Variants in PACRG observed in about 807,000 individuals in gnomAD.
The protein encoded by PACRG is parkin coregulated.
A neutral mutation model predicts 29.7 loss-of-function variants in PACRG; 29 were observed. That is an observed-to-expected ratio of 0.98 (90% CI 0.73 to 1.33). The LOEUF (loss-of-function observed/expected upper bound fraction) is 1.33. Among genes scored for constraint, PACRG ranks in the 40% most tolerant of loss-of-function variants. PACRG has a pLI of 0.00. For synonymous variants in PACRG, 116 were observed against 118.7 expected, an observed-to-expected ratio of 0.98 and a Z score of 0.15; for missense variants, 279 against 316.2, an observed-to-expected ratio of 0.88 and a Z score of 0.89.
intron 2 of PACRG, among the ~76,000 whole-genome samples, chr6:162,841,841 A>C (rs1046430665): frequency 6.6e-6 from 1 of 151,690 alleles, no homozygotes; most frequent in African/African-American, 2.4e-5. Context: ...TTCTGCCTTC[A>C]TTTCGTTATG....
intron 2 of PACRG, among the ~76,000 whole-genome samples, chr6:162,977,851 AAG>A (rs1398483149): frequency 6.6e-6 from 1 of 152,158 alleles, no homozygotes; most frequent in Non-Finnish European, 1.5e-5. Context: ...CATATGTATA[AAG>A]ATGTTTATGG....
At chr6:162,812,754 A>T (rs1254486112) in intron 1 of PACRG, among the ~76,000 whole-genome samples, 1 of 152,148 alleles carries the variant, frequency 6.6e-6, no homozygotes, top group Non-Finnish European at 1.5e-5. Flanking sequence ...TGAACAAAAT[A>T]GTTGTTAAAT....
At chr6:163,064,337 C>G (rs1219049472) in intron 3 of PACRG, among the ~76,000 whole-genome samples, 2 of 152,144 alleles carry the variant, frequency 1.3e-5, no homozygotes, top group African/African-American at 4.8e-5. Context: ...ACTAAATTTA[C>G]AGTACACACA....
At chr6:163,183,261 TG>T (rs140336196) in intron 4 of PACRG, 1 of 152,128 alleles carries the variant, frequency 6.6e-6, no homozygotes, top group African/African-American at 2.4e-5. Context: ...TCGAAGGGCA[TG>T]GAAGGGCATG....
chr6:163,254,280 C>T (rs982792015), intron 4 of PACRG, among the ~76,000 whole-genome samples: 4 of 152,048 alleles, frequency 2.6e-5, no homozygotes, highest in South Asian at 2.1e-4. Flanking sequence ...CATGAATGAC[C>T]AAAAATATGC....
intron 4 of PACRG, among the ~76,000 whole-genome samples, chr6:163,198,234 T>C (rs1360406704): frequency 6.6e-6 from 1 of 152,252 alleles, no homozygotes; most frequent in East Asian, 1.9e-4. Flanking sequence ...ATCAACTGTT[T>C]TGATTATGAG....
chr6:162,949,754 T>A (rs1284209936), intron 2 of PACRG, among the ~76,000 whole-genome samples: 1 of 152,190 alleles, frequency 6.6e-6, no homozygotes, highest in Non-Finnish European at 1.5e-5. Flanking sequence ...GATTTAAGTT[T>A]TGTGAGGGTT....
chr6:163,225,459 G>A (rs1468000239), intron 4 of PACRG, among the ~76,000 whole-genome samples: 1 of 152,182 alleles, frequency 6.6e-6, no homozygotes, highest in African/African-American at 2.4e-5. Flanking sequence ...ATGACTGTAA[G>A]TTTCCTGAGG....
intron 2 of PACRG, among the ~76,000 whole-genome samples, chr6:162,870,953 A>C (rs1335829506): frequency 6.6e-6 from 1 of 152,204 alleles, no homozygotes; most frequent in Non-Finnish European, 1.5e-5. Context: ...TCAATGCTGG[A>C]ATATGACTGT....
intron 2 of PACRG, among the ~76,000 whole-genome samples, chr6:163,026,614 A>G (rs1176394892): frequency 2.0e-5 from 3 of 152,206 alleles, no homozygotes; most frequent in Non-Finnish European, 4.4e-5. Context: ...GTCACCTCCC[A>G]GGTTCCCCCA....
intron 4 of PACRG, among the ~76,000 whole-genome samples, chr6:163,244,013 T>C (rs1249721489): frequency 6.6e-6 from 1 of 152,254 alleles, no homozygotes; most frequent in Non-Finnish European, 1.5e-5. Flanking sequence ...CTTACATTTG[T>C]AGTCTTTAAT....
chr6:162,849,075 C>T (rs1790646855), intron 2 of PACRG, among the ~76,000 whole-genome samples: 1 of 152,098 alleles, frequency 6.6e-6, no homozygotes, highest in Admixed American at 6.5e-5. Flanking sequence ...GCAGAGGAAG[C>T]AGGGTTTCAG....
At chr6:162,877,632 A>C (rs556517889) in intron 2 of PACRG, among the ~76,000 whole-genome samples, 34 of 152,244 alleles carry the variant, frequency 2.2e-4, no homozygotes, top group Admixed American at 9.8e-4. Flanking sequence ...AAATAAAAAA[A>C]TGTTTAAGAA....
chr6:163,164,516 G>A (rs918352613), intron 4 of PACRG, among the ~76,000 whole-genome samples: 6 of 152,208 alleles, frequency 3.9e-5, no homozygotes, highest in Non-Finnish European at 7.3e-5. Context: ...AAGGGACCTC[G>A]GGCTCTTCCC....
chr6:163,193,016 C>T (rs1780284448), intron 4 of PACRG, among the ~76,000 whole-genome samples: 1 of 152,136 alleles, frequency 6.6e-6, no homozygotes, highest in Non-Finnish European at 1.5e-5. Flanking sequence ...TTTTTAAACC[C>T]AATAAACAGT....
intron 2 of PACRG, among the ~76,000 whole-genome samples, chr6:163,059,079 CA>C (rs572558082): frequency 0.016 from 1,100 of 68,368 alleles, 3 homozygotes; most frequent in East Asian, 0.032. Context: ...AACTCCATCT[CA>C]AAAAAAAAAA....
At chr6:163,298,514 C>G (rs1019742974) in intron 4 of PACRG, among the ~76,000 whole-genome samples, 4 of 152,196 alleles carry the variant, frequency 2.6e-5, no homozygotes, top group Non-Finnish European at 5.9e-5. Flanking sequence ...TGTTCATATT[C>G]TTTGAAGCAG....
At position 162,931,021 on chromosome 6, in the gene PACRG, T is replaced by TGGG. The variant is rs1394856977; in HGVS notation, c.291+116741_291+116743dup. ...TTTTCATATACGTTCTTCAGTGATA[T>TGGG]GGGCCTATAGTTTTCTTTTTTTGTT... is the stretch of plus-strand genomic sequence containing the variant. On this transcript the variant is annotated intron_variant, in intron 2 of 4. Coordinates refer to ENST00000366888, the MANE Select transcript of PACRG (RefSeq NM_001080379.2). 8.2e-3 allele frequency among the ~76,000 whole-genome samples: 1,251 copies of TGGG among 151,978 alleles called. 15 individuals carry two copies. Among genetic ancestry groups the TGGG allele is most frequent in the African/African-American group, 0.028 (1,146 of 41,536 alleles).
At chr6:163,208,962 T>C (rs879764832) in intron 4 of PACRG, among the ~76,000 whole-genome samples, 18 of 152,218 alleles carry the variant, frequency 1.2e-4, no homozygotes, top group Non-Finnish European at 2.4e-4. Context: ...TGTTAAATTT[T>C]CTTTAAAAGG....
Sources: allele counts gnomAD v4.1 joint callset (sites outside exome capture counted in the v4.1 genomes callset), GRCh38; gene constraint gnomAD v4.1.1; transcripts MANE v1.5; gene names NCBI Gene and HGNC (gene_info 2026-07-23, HGNC 2026-07-21).